VPS13C: variants seen among roughly 807,000 people sequenced by gnomAD.
The protein encoded by VPS13C is vacuolar protein sorting 13 homolog C, also known as intermembrane lipid transfer protein VPS13C.
Under a neutral mutation model 456.8 loss-of-function variants are expected in VPS13C, and 358 were observed. That is an observed-to-expected ratio of 0.78 (90% CI 0.72 to 0.86). The LOEUF (loss-of-function observed/expected upper bound fraction) is 0.86, where lower values mean the gene tolerates loss of function less well. Among genes scored for constraint, VPS13C ranks in the 40% least tolerant of loss-of-function variants. The pLI is 0.00. For synonymous variants in VPS13C, 1,578 were observed against 1,486.7 expected (o/e 1.06, Z -1.41); for missense variants, 4,818 against 4,385.4 (o/e 1.10, Z -2.79).
At chr15:62,050,692 C>G (rs978553274) in intron 1 of VPS13C, among the ~76,000 whole-genome samples, 1 of 151,714 alleles carries the variant, frequency 6.6e-6, no homozygotes, top group African/African-American at 2.4e-5. Flanking sequence ...ATCTCAGATA[C>G]TCAGGATTCT....
At chr15:62,032,728 C>A (rs2047859592) in intron 5 of VPS13C, among the ~76,000 whole-genome samples, 1 of 151,600 alleles carries the variant, frequency 6.6e-6, no homozygotes, top group African/African-American at 2.4e-5. Flanking sequence ...CACATGCCAC[C>A]AAATGACACA....
In VPS13C at chr15:62,037,738, T is replaced by C. The variant is rs139108216; in HGVS notation, c.188-2686A>G. On this transcript the variant is annotated intron_variant, in intron 3 of 84. Transcript: ENST00000644861. ...AATAAATGAATGGCTACAACTTCTA[T>C]ATTCTAGGATTTCAGTGAAGCATAT... 1.5e-3 allele frequency among the ~76,000 whole-genome samples: 234 copies of C among 151,982 alleles called. 1 individual carries two copies. The highest frequency in any genetic ancestry group is 5.0e-3 in the African/African-American group (207 of 41,466).
At chr15:62,030,982 T>C (rs1465324756) in intron 5 of VPS13C, among the ~76,000 whole-genome samples, 5 of 152,124 alleles carry the variant, frequency 3.3e-5, no homozygotes, top group Admixed American at 6.6e-5. Context: ...AATCTAGCAT[T>C]TGCGAATCTT....
At chr15:61,914,602 C>T (rs1256052795) in intron 61 of VPS13C, among the ~76,000 whole-genome samples, 7 of 151,364 alleles carry the variant, frequency 4.6e-5, no homozygotes, top group Non-Finnish European at 1.0e-4. Flanking sequence ...CTCTATCGCC[C>T]AGGCTGGAGT....
intron 76 of VPS13C, 140 bp from the exon 77 acceptor site, chr15:61,875,091 C>A: frequency 1.5e-6 from 1 of 655,658 alleles, no homozygotes; most frequent in African/African-American, 1.9e-5. Context: ...TTCACTTCTA[C>A]CCCAAATATG....
intron 13 of VPS13C, among the ~76,000 whole-genome samples, chr15:62,010,122 A>G (rs115600852): frequency 0.011 from 1,661 of 152,040 alleles, 40 homozygotes; most frequent in African/African-American, 0.038. Flanking sequence ...CCCAGGAGGT[A>G]GAGCTTGCAG....
chr15:61,939,346 A>G (rs562694629), intron 47 of VPS13C, among the ~76,000 whole-genome samples: 3 of 152,346 alleles, frequency 2.0e-5, no homozygotes, highest in East Asian at 3.9e-4. Flanking sequence ...ACAAAATTTA[A>G]TAATTGTTCT....
rs545072460 is a variant in VPS13C, at chr15:61,910,448, T to C, written c.8716-143A>G. ...CTAAAAATATGTCCTCTACATCTCA[T>C]AGTAAGATTACTGACAATATAATGA... On this transcript the variant is annotated intron_variant, in intron 63 of 84. Coordinates refer to ENST00000644861, the MANE Select transcript of VPS13C (RefSeq NM_020821.3). The C allele has an allele frequency of 1.6e-5, 8 of 515,244 alleles. No individual in the cohort carries two copies. In the East Asian group the frequency reaches 1.9e-4, roughly 13 times the overall value. 31.9% of individuals were successfully genotyped at this position (515,244 alleles called of 1,614,324 possible).
chr15:61,967,378 T>G lies in VPS13C; in HGVS notation c.2981A>C (p.Glu994Ala). ...TTCTATAGCCCTTACCTTAATATAC[T>G]CCACTTTCAAAAGATCTAATCCAGG... ...DKPGLDLLKV[E>A]YIKADKNGPS... The change falls in exon 29 of 85, where the codon GAG becomes GCG. Residue 994 changes from glutamate (E) to alanine (A), a missense_variant. Glu to Ala is a moderately radical substitution (Grantham distance 107). Transcript: ENST00000644861. 6.2e-7 allele frequency: 1 copy of G among 1,606,054 alleles called. No individual in the cohort carries two copies. The highest frequency in any genetic ancestry group is 8.5e-7 in the Non-Finnish European group (1 of 1,175,904).
intron 67 of VPS13C, among the ~76,000 whole-genome samples, chr15:61,887,856 T>C (rs1896381461): frequency 2.0e-5 from 3 of 152,016 alleles, no homozygotes; most frequent in African/African-American, 7.2e-5. Flanking sequence ...AATTGATAAG[T>C]CTGAGGTAAA....
At chr15:61,864,495 A>G in intron 81 of VPS13C, 1 of 830,478 alleles carries the variant, frequency 1.2e-6, no homozygotes, top group Non-Finnish European at 1.5e-6. Flanking sequence ...AATATACTGA[A>G]TAAATAAGAC....
At chr15:61,952,803 T>G (rs1472806161) in intron 38 of VPS13C, among the ~76,000 whole-genome samples, 1 of 152,038 alleles carries the variant, frequency 6.6e-6, no homozygotes, top group Non-Finnish European at 1.5e-5. Context: ...ACTGCAGTCT[T>G]GACCTCCTGG....
intron 1 of VPS13C, among the ~76,000 whole-genome samples, chr15:62,059,352 T>G (rs757258839): frequency 2.2e-4 from 33 of 152,196 alleles, no homozygotes; most frequent in Non-Finnish European, 2.4e-4. Context: ...ATCCATACAT[T>G]TGAGTCGTTT....
In VPS13C at chr15:61,982,534, T is replaced by C. The variant is rs150151633; in HGVS notation, c.1954A>G (p.Lys652Glu). Residue 652 changes from lysine (K) to glutamate (E), a missense_variant, in exon 21 of 85, where the codon AAG (lysine) becomes GAG (glutamate). Physicochemically the swap from Lys to Glu is moderately conservative, Grantham distance 56 (BLOSUM62 1). This residue lies in a region of VPS13C where 4,552 missense variants were observed against 4,130.6 expected (regional missense o/e 1.10). Transcript: ENST00000644861. ...NAVVEFFQSNKGLDLEQITSA... is the reference protein window; with the variant it reads ...NAVVEFFQSNEGLDLEQITSA... ...GTTATTTGCTCAAGATCCAATCCCTTATTTGATTGAAAGAATTCAACCACT... is the reference window on the plus strand; with the variant it reads ...GTTATTTGCTCAAGATCCAATCCCTCATTTGATTGAAAGAATTCAACCACT... 1.4e-5 allele frequency: 22 copies of C among 1,609,436 alleles called. No individual in the cohort carries two copies. The highest frequency in any genetic ancestry group is 1.8e-5 in the Non-Finnish European group (21 of 1,178,706).
intron 3 of VPS13C, among the ~76,000 whole-genome samples, chr15:62,037,420 T>G (rs1596516227): frequency 1.9e-5 from 2 of 106,114 alleles, no homozygotes; most frequent in South Asian, 2.7e-4. Context: ...ATATAATATG[T>G]TATATATAAA....
intron 4 of VPS13C, among the ~76,000 whole-genome samples, chr15:62,034,624 A>G (rs2047923480): frequency 6.6e-6 from 1 of 151,814 alleles, no homozygotes; most frequent in Non-Finnish European, 1.5e-5. Flanking sequence ...ACATCAGGAT[A>G]TTTTTAAAGA....
chr15:61,868,109 T>C (rs957743358), intron 81 of VPS13C, among the ~76,000 whole-genome samples: 1 of 152,132 alleles, frequency 6.6e-6, no homozygotes, highest in South Asian at 2.1e-4. Context: ...GGGGAAAGCC[T>C]GTCATGGGAG....
intron 3 of VPS13C, among the ~76,000 whole-genome samples, chr15:62,037,913 T>G (rs974650007): frequency 6.6e-6 from 1 of 152,116 alleles, no homozygotes; most frequent in Non-Finnish European, 1.5e-5. Flanking sequence ...TATTCTTGTA[T>G]GTTAAAAGGA....
intron 15 of VPS13C, among the ~76,000 whole-genome samples, chr15:62,002,930 G>A (rs1164106501): frequency 5.3e-5 from 8 of 152,196 alleles, no homozygotes; most frequent in Non-Finnish European, 1.0e-4. Flanking sequence ...TAGCCTTGGA[G>A]TATAGTTTGA....
Sources: gnomAD v4.1 joint callset for allele counts (sites outside exome capture counted in the v4.1 genomes callset) on GRCh38, gnomAD v4.1.1 for gene constraint, gnomAD v4.1.1 regional missense constraint, MANE v1.5 for transcripts, NCBI Gene and HGNC (gene_info 2026-07-23, HGNC 2026-07-21) for gene names.